The following CNTNAP5 variants were observed in gnomAD, a reference collection of about 807,000 sequenced individuals.
CNTNAP5 encodes the protein contactin-associated protein-like 5.
A neutral mutation model predicts 150.2 loss-of-function variants in CNTNAP5; 72 were observed. The observed-to-expected ratio is 0.48, with a 90% confidence interval of 0.40 to 0.58. The LOEUF (loss-of-function observed/expected upper bound fraction) is 0.58. Among genes scored for constraint, CNTNAP5 ranks in the 20% least tolerant of loss-of-function variants. CNTNAP5 has a pLI of 0.00. For synonymous variants in CNTNAP5, 672 were observed against 619.8 expected (o/e 1.08, Z -1.25); for missense variants, 1,636 against 1,626.2 (o/e 1.01, Z -0.10).
chr2:124,776,362 A>G (rs1399944216), intron 17 of CNTNAP5, among the ~76,000 whole-genome samples: 1 of 151,988 alleles, frequency 6.6e-6, no homozygotes, highest in Non-Finnish European at 1.5e-5. Flanking sequence ...TCCCCTGGGG[A>G]AAATACTACA....
chr2:124,505,714 A>C (rs912825369), intron 8 of CNTNAP5, among the ~76,000 whole-genome samples: 3 of 152,098 alleles, frequency 2.0e-5, no homozygotes, highest in African/African-American at 7.2e-5. Flanking sequence ...ATTCTCTGTT[A>C]TGTTACCAAT....
At chr2:124,061,647 G>GAC (rs1418581389) in intron 1 of CNTNAP5, among the ~76,000 whole-genome samples, 2 of 151,952 alleles carry the variant, frequency 1.3e-5, no homozygotes, top group African/African-American at 4.8e-5. Flanking sequence ...GTATATCTAA[G>GAC]ACACACACAC....
At chr2:124,454,844 A>G (rs1358308631) in intron 6 of CNTNAP5, among the ~76,000 whole-genome samples, 2 of 152,148 alleles carry the variant, frequency 1.3e-5, no homozygotes, top group Admixed American at 6.6e-5. Context: ...TTTGAACTGA[A>G]TGACAGTAGT....
At chr2:124,710,125 G>T (rs973863089) in intron 13 of CNTNAP5, among the ~76,000 whole-genome samples, 4 of 152,138 alleles carry the variant, frequency 2.6e-5, no homozygotes, top group Non-Finnish European at 5.9e-5. Flanking sequence ...AGATGATGGT[G>T]AGCAGTGAAG....
intron 1 of CNTNAP5, among the ~76,000 whole-genome samples, chr2:124,138,457 T>A (rs2104612570): frequency 6.6e-6 from 1 of 152,354 alleles, no homozygotes; most frequent in Non-Finnish European, 1.5e-5. Context: ...CATGCCTCAT[T>A]ACAAATATTA....
intron 2 of CNTNAP5, among the ~76,000 whole-genome samples, chr2:124,241,099 T>A (rs1686875940): frequency 6.6e-6 from 1 of 152,170 alleles, no homozygotes; most frequent in African/African-American, 2.4e-5. Context: ...CTGCGATAGC[T>A]CCCACATGGG....
At chr2:124,050,350 G>A (rs1341205147) in intron 1 of CNTNAP5, among the ~76,000 whole-genome samples, 1 of 152,042 alleles carries the variant, frequency 6.6e-6, no homozygotes, top group Non-Finnish European at 1.5e-5. Flanking sequence ...TGTAGTCTCA[G>A]CTACTCAGAA....
chr2:124,732,438 G>A lies in CNTNAP5; in HGVS notation c.2078-14791G>A, dbSNP rs568928901. Among the ~76,000 whole-genome samples, 32 of 152,180 alleles carry A rather than the reference G, an allele frequency of 2.1e-4. No individual in the cohort carries two copies. The South Asian group carries it at 6.6e-3, about 32-fold the overall frequency. ...CTTTGGTGAGGGATCAGACCATGAG[G>A]ATAAAGTTCTCACGCATAGGATTAA... On this transcript the variant is annotated intron_variant, in intron 13 of 23. Coordinates refer to ENST00000682447, the MANE Select transcript of CNTNAP5 (RefSeq NM_001367498.1).
chr2:124,724,715 T>C (rs1680120188), intron 13 of CNTNAP5, among the ~76,000 whole-genome samples: 1 of 151,970 alleles, frequency 6.6e-6, no homozygotes, highest in African/African-American at 2.4e-5. Context: ...CACATGCCCT[T>C]AATGTGCTCT....
intron 1 of CNTNAP5, among the ~76,000 whole-genome samples, chr2:124,173,988 A>T (rs1583719): frequency 0.12 from 18,240 of 152,050 alleles, 1,321 homozygotes; most frequent in East Asian, 0.34. Flanking sequence ...GCCCTTAAGA[A>T]GTATGCTGAT....
chr2:124,445,575 G>T (rs1692792290), intron 5 of CNTNAP5, among the ~76,000 whole-genome samples: 1 of 152,182 alleles, frequency 6.6e-6, no homozygotes, highest in Admixed American at 6.5e-5. Context: ...TGAGTCTGAT[G>T]CTTCTAACCC....
chr2:124,500,898 CATT>C (rs1694264254), intron 7 of CNTNAP5, among the ~76,000 whole-genome samples: 1 of 152,116 alleles, frequency 6.6e-6, no homozygotes, highest in South Asian at 2.1e-4. Flanking sequence ...TGGGTGGTCT[CATT>C]ATCATCTGGA....
intron 13 of CNTNAP5, among the ~76,000 whole-genome samples, chr2:124,740,399 G>T (rs1339028852): frequency 2.0e-5 from 3 of 152,166 alleles, no homozygotes; most frequent in African/African-American, 4.8e-5. Flanking sequence ...ACTGCTATCT[G>T]CATTGCAGTG....
intron 21 of CNTNAP5, among the ~76,000 whole-genome samples, chr2:124,899,054 T>A (rs1678364075): frequency 6.6e-6 from 1 of 151,348 alleles, no homozygotes; most frequent in Non-Finnish European, 1.5e-5. Context: ...CACACACAAA[T>A]GGTATATAAG....
At chr2:124,674,534 TCTTTCTTTCTTTCTTTCTTC>T in intron 13 of CNTNAP5, among the ~76,000 whole-genome samples, 1 of 140,694 alleles carries the variant, frequency 7.1e-6, no homozygotes, top group Admixed American at 7.3e-5. Context: ...TTTCTTTCTT[TCTTTCTTTCTTTCTTTCTTC>T]CTTTCTTCCT....
chr2:124,244,897 A>C (rs572483105), intron 3 of CNTNAP5, among the ~76,000 whole-genome samples: 1 of 152,330 alleles, frequency 6.6e-6, no homozygotes, highest in Non-Finnish European at 1.5e-5. Context: ...AAGAGGCTTG[A>C]GGCTCACAGA....
intron 6 of CNTNAP5, among the ~76,000 whole-genome samples, chr2:124,448,464 C>T (rs1484283092): frequency 6.6e-6 from 1 of 152,076 alleles, no homozygotes; most frequent in Non-Finnish European, 1.5e-5. Context: ...GGTTGGGCTG[C>T]TACCACACAG....
chr2:124,647,760 G>A lies in CNTNAP5; in HGVS notation c.1879G>A (p.Asp627Asn). ...TTTGTGTTGTGTTGTCTGGGCAGAG[G>A]ACAAGATCTGGACATCAGTGCAGCA... The part of the protein sequence containing the change: ...PLQVYCNITE[D>N]KIWTSVQHNN... The change falls in exon 13 of 24, where the codon GAC (aspartate) becomes AAC (asparagine). Residue 627 changes from aspartate (D) to asparagine (N), a missense_variant and splice_region_variant. Transcript: ENST00000682447. 1.9e-6 allele frequency: 3 copies of A among 1,591,086 alleles called. No individual in the cohort carries two copies. Among genetic ancestry groups the A allele is most frequent in the Non-Finnish European group, 1.7e-6 (2 of 1,163,548 alleles).
At position 124,675,591 on chromosome 2, in the gene CNTNAP5, A is replaced by G. The variant is rs1234976538; in HGVS notation, c.2077+27633A>G. ...AACAATCAAGTTTGCATTAATCCTA[A>G]CTCAATTTCAATCGTATACAAAAGC... On this transcript the variant is annotated intron_variant, in intron 13 of 23. Transcript: ENST00000682447. Among the ~76,000 whole-genome samples the G allele has an allele frequency of 2.0e-5, 3 of 152,054 alleles. No individual in the cohort carries two copies. The South Asian group carries it at 6.2e-4, about 32-fold the overall frequency.
Sources: gnomAD v4.1 joint callset for allele counts (sites outside exome capture counted in the v4.1 genomes callset) on GRCh38, gnomAD v4.1.1 for gene constraint, MANE v1.5 for transcripts, NCBI Gene and HGNC (gene_info 2026-07-23, HGNC 2026-07-21) for gene names.